NLRP11: variants seen among roughly 807,000 people sequenced by gnomAD.
The protein encoded by NLRP11 is NACHT, LRR and PYD domains-containing protein 11.
NLRP11 carries 53 observed loss-of-function variants against 79.3 expected under a neutral mutation model. That is an observed-to-expected ratio of 0.67 (90% CI 0.54 to 0.84). NLRP11 has a LOEUF of 0.84. Ranked by LOEUF, NLRP11 falls within the 40% of genes least tolerant of loss-of-function variation. NLRP11 has a pLI of 0.00. For synonymous variants in NLRP11, 518 were observed against 462.6 expected (o/e 1.12, Z -1.54); for missense variants, 1,264 against 1,255.0 (o/e 1.01, Z -0.11).
chr19:55,821,881 G>A (rs1040673237), intron 1 of NLRP11, among the ~76,000 whole-genome samples: 2 of 152,244 alleles, frequency 1.3e-5, no homozygotes, highest in Non-Finnish European at 2.9e-5. Flanking sequence ...TTTCTCCCCA[G>A]TGTTCTCAGC....
intron 7 of NLRP11, among the ~76,000 whole-genome samples, chr19:55,789,802 G>A (rs887401940): frequency 4.6e-5 from 7 of 152,138 alleles, no homozygotes; most frequent in Non-Finnish European, 8.8e-5. Context: ...ATCCAACATC[G>A]AGAAGGGCTA....
intron 9 of NLRP11, among the ~76,000 whole-genome samples, chr19:55,787,126 T>C (rs1265715475): frequency 6.6e-6 from 1 of 152,232 alleles, no homozygotes; most frequent in African/African-American, 2.4e-5. Context: ...CGGATGCTTA[T>C]ACTTAGTCTC....
chr19:55,835,881 C>T (rs796377467), upstream of NLRP11, among the ~76,000 whole-genome samples: 485 of 116,384 alleles, frequency 4.2e-3, no homozygotes, highest in Middle Eastern at 0.028. Context: ...CCCAGCACTT[C>T]GGGAGGCCGA....
intron 5 of NLRP11, among the ~76,000 whole-genome samples, chr19:55,797,525 A>C (rs970577768): frequency 1.3e-5 from 2 of 152,212 alleles, no homozygotes; most frequent in Non-Finnish European, 2.9e-5. Context: ...GAATTCTAGC[A>C]TTGTAAAGAC....
At chr19:55,820,027 A>G (rs78562089) in intron 1 of NLRP11, among the ~76,000 whole-genome samples, 1 of 152,180 alleles carries the variant, frequency 6.6e-6, no homozygotes, top group Non-Finnish European at 1.5e-5. Context: ...GCATACTGAC[A>G]TGCACCTATG....
intron 4 of NLRP11, among the ~76,000 whole-genome samples, chr19:55,803,277 G>A (rs1005685728): frequency 1.5e-4 from 23 of 152,102 alleles, no homozygotes; most frequent in Non-Finnish European, 3.2e-4. Context: ...AACCTGGGAG[G>A]CGGAGGTTGC....
intron 2 of NLRP11, among the ~76,000 whole-genome samples, chr19:55,813,976 T>A (rs1439735082): frequency 2.0e-5 from 3 of 152,082 alleles, no homozygotes; most frequent in African/African-American, 4.8e-5. Flanking sequence ...GCATGTTCAG[T>A]AGACTTTACG....
intron 2 of NLRP11, among the ~76,000 whole-genome samples, chr19:55,811,727 T>C (rs1980622620): frequency 6.6e-6 from 1 of 152,208 alleles, no homozygotes; most frequent in Admixed American, 6.5e-5. Flanking sequence ...GTGATGAGTA[T>C]GGTTCATGAT....
At chr19:55,792,555 C>T (rs1018487803) in intron 6 of NLRP11, 84 bp from the exon 7 acceptor site, 17 of 1,023,002 alleles carry the variant, frequency 1.7e-5, no homozygotes, top group Middle Eastern at 2.3e-4. Flanking sequence ...CGCCCACGGG[C>T]GCCTCGATGC....
intron 2 of NLRP11, among the ~76,000 whole-genome samples, chr19:55,812,604 G>A (rs573543941): frequency 6.6e-6 from 1 of 152,316 alleles, no homozygotes. Context: ...AAGTGTGGGT[G>A]AAGATGTGGA....
chr19:55,815,566 A>G (rs1296433916), intron 2 of NLRP11, among the ~76,000 whole-genome samples: 3 of 152,106 alleles, frequency 2.0e-5, no homozygotes, highest in African/African-American at 4.8e-5. Flanking sequence ...ATAAACATGA[A>G]AAAGGAAAAC....
exon 2 of NLRP11, chr19:55,818,149 A>C: frequency 7.4e-6 from 12 of 1,613,678 alleles, no homozygotes; most frequent in Non-Finnish European, 1.0e-5. Flanking sequence ...CAGCAGGTCA[A>C]AGTCAGTAGA....
At chr19:55,793,131 T>C (rs1166181978) in intron 6 of NLRP11, among the ~76,000 whole-genome samples, 4 of 152,308 alleles carry the variant, frequency 2.6e-5, no homozygotes, top group Non-Finnish European at 2.9e-5. Flanking sequence ...CCGCCTGCCT[T>C]GGCCTCCCAA....
At chr19:55,816,626 C>T (rs1408092952) in intron 2 of NLRP11, among the ~76,000 whole-genome samples, 2 of 152,102 alleles carry the variant, frequency 1.3e-5, no homozygotes, top group South Asian at 2.1e-4. Context: ...ACACAGAGTC[C>T]CCTACATTTC....
chr19:55,820,913 C>G (rs1187513252), intron 1 of NLRP11, among the ~76,000 whole-genome samples: 3 of 152,178 alleles, frequency 2.0e-5, no homozygotes, highest in African/African-American at 7.2e-5. Context: ...ACGTCCGAAA[C>G]TGCCATCTTT....
intron 1 of NLRP11, 131 bp from the exon 2 acceptor site, chr19:55,818,367 C>T: frequency 1.7e-6 from 1 of 576,650 alleles, no homozygotes; most frequent in South Asian, 2.2e-5. Flanking sequence ...TAAGTCTGAA[C>T]TCTTTCTGTC....
intron 7 of NLRP11, among the ~76,000 whole-genome samples, chr19:55,790,055 C>T (rs1460687560): frequency 1.3e-5 from 2 of 152,188 alleles, no homozygotes; most frequent in Non-Finnish European, 2.9e-5. Context: ...ATTCTGCTTG[C>T]AAGCGCCACT....
At chr19:55,791,797 TTCAA>T (rs1483894618) in intron 7 of NLRP11, among the ~76,000 whole-genome samples, 2 of 152,128 alleles carry the variant, frequency 1.3e-5, no homozygotes, top group Non-Finnish European at 2.9e-5. Flanking sequence ...TTCCTGGAAG[TTCAA>T]TCAGAGGCCA....
At chr19:55,819,762 A>G (rs1230821176) in intron 1 of NLRP11, among the ~76,000 whole-genome samples, 2 of 152,210 alleles carry the variant, frequency 1.3e-5, no homozygotes. Flanking sequence ...AACCGTAACT[A>G]GGTTGTTGGG....
Sources: gnomAD v4.1 joint callset for allele counts (sites outside exome capture counted in the v4.1 genomes callset) on GRCh38, gnomAD v4.1.1 for gene constraint, MANE v1.5 for transcripts, NCBI Gene and HGNC (gene_info 2026-07-23, HGNC 2026-07-21) for gene names.